The following GPBP1 variants were observed in gnomAD, a reference collection of about 807,000 sequenced individuals.
GPBP1 encodes the protein vasculin.
GPBP1 carries 13 observed loss-of-function variants against 56.5 expected under a neutral mutation model. The ratio of observed to expected loss-of-function variants is 0.23; its 90% CI spans 0.15 to 0.37. The LOEUF is 0.37. Among genes scored for constraint, GPBP1 ranks in the 10% least tolerant of loss-of-function variants. The pLI, the probability that GPBP1 is intolerant of heterozygous loss-of-function variation, is 1.00. For missense variants in GPBP1, 477 were observed against 572.3 expected (o/e 0.83, Z 1.70); for synonymous variants, 204 against 188.9 (o/e 1.08, Z -0.66).
At chr5:57,206,365 T>C (rs759323363) in intron 2 of GPBP1, among the ~76,000 whole-genome samples, 4 of 152,094 alleles carry the variant, frequency 2.6e-5, no homozygotes, top group Non-Finnish European at 5.9e-5. Context: ...AGTTTTTGCT[T>C]TTATATTTAG....
In GPBP1 at chr5:57,243,653, A is replaced by G. The variant is rs141473574; in HGVS notation, c.479-2647A>G. On this transcript the variant is annotated intron_variant, in intron 6 of 11. Transcript: ENST00000506184. ...AACTATATTGAGGCTTAAAGATAGTATATCTACTTGCCTATCTAGTTTTCA... is the reference window on the plus strand; with the variant it reads ...AACTATATTGAGGCTTAAAGATAGTGTATCTACTTGCCTATCTAGTTTTCA... Among the ~76,000 whole-genome samples the G allele has an allele frequency of 6.9e-3, 1,049 of 151,228 alleles. 7 individuals are homozygous for G. The highest frequency in any genetic ancestry group is 0.011 in the Non-Finnish European group (753 of 67,876).
intron 2 of GPBP1, among the ~76,000 whole-genome samples, 151 bp downstream of exon 2, chr5:57,176,551 A>AC (rs1753794340): frequency 6.6e-6 from 1 of 151,940 alleles, no homozygotes; most frequent in Admixed American, 6.6e-5. Context: ...ACAACTATTA[A>AC]CCATTGTCTG....
intron 2 of GPBP1, among the ~76,000 whole-genome samples, chr5:57,183,228 G>T (rs1252688622): frequency 6.6e-6 from 1 of 151,996 alleles, no homozygotes; most frequent in South Asian, 2.1e-4. Flanking sequence ...TTAGCTGGGC[G>T]TGGTGGCACA....
In GPBP1 at chr5:57,180,609, A is replaced by G. The variant is rs375760424; in HGVS notation, c.-58+4209A>G. ...AAGGGAACTTGGTTTAGGATATGGA[A>G]TATCTAGAAAAATGCCTGTGTGACT... On this transcript the variant is annotated intron_variant, in intron 2 of 11. Transcript: ENST00000506184. 3.5e-4 allele frequency among the ~76,000 whole-genome samples: 54 copies of G among 152,344 alleles called. No individual in the cohort carries two copies. The South Asian group carries it at 5.6e-3, about 16-fold the overall frequency.
rs750186584 is a variant in GPBP1, at chr5:57,247,172, C to T, written c.761C>T (p.Ser254Leu). 1.9e-6 allele frequency: 3 copies of T among 1,613,676 alleles called. No homozygotes were observed. The Admixed American group carries it at 5.0e-5, about 27-fold the overall frequency. ...GTTGGCAACTTTAATGCTTTTAAAT[C>T]AACTGCCAAGAACTTTAGTCCATCT... The part of the protein sequence containing the change: ...FGVGNFNAFK[S>L]TAKNFSPSTN... Residue 254 changes from serine to leucine, a missense_variant, in exon 8 of 12, where the codon TCA (serine) becomes TTA (leucine). Transcript: ENST00000506184.
intron 3 of GPBP1, among the ~76,000 whole-genome samples, chr5:57,218,219 T>C (rs990945707): frequency 6.6e-6 from 1 of 152,170 alleles, no homozygotes; most frequent in African/African-American, 2.4e-5. Flanking sequence ...CACTGTCTGC[T>C]TGGGATAGGG....
intron 10 of GPBP1, among the ~76,000 whole-genome samples, 175 bp downstream of exon 10, chr5:57,251,316 A>AT (rs1206760891): frequency 1.3e-5 from 2 of 152,112 alleles, no homozygotes; most frequent in African/African-American, 4.8e-5. Context: ...GTTCACTCGC[A>AT]TTTACTTTTC....
At chr5:57,181,253 T>G (rs908620370) in intron 2 of GPBP1, among the ~76,000 whole-genome samples, 46 of 152,114 alleles carry the variant, frequency 3.0e-4, no homozygotes, top group African/African-American at 1.1e-3. Context: ...GAGGACTGCT[T>G]GAGCCTAGGA....
chr5:57,253,904 G>T (rs951776029), intron 10 of GPBP1, among the ~76,000 whole-genome samples: 1 of 151,674 alleles, frequency 6.6e-6, no homozygotes, highest in African/African-American at 2.4e-5. Flanking sequence ...GAGTAGAGGC[G>T]TGAGCCACGA....
At chr5:57,227,790 G>A (rs1376860730) in intron 3 of GPBP1, among the ~76,000 whole-genome samples, 4 of 152,290 alleles carry the variant, frequency 2.6e-5, no homozygotes, top group East Asian at 3.9e-4. Context: ...CCATGAAACA[G>A]TATCCAGGCT....
chr5:57,179,433 G>A (rs569262629), intron 2 of GPBP1, among the ~76,000 whole-genome samples: 4 of 152,206 alleles, frequency 2.6e-5, no homozygotes, highest in East Asian at 1.9e-4. Flanking sequence ...AGGCAACCTC[G>A]AACTCCTGGG....
intron 2 of GPBP1, among the ~76,000 whole-genome samples, chr5:57,177,678 T>TA (rs1491534128): frequency 8.7e-6 from 1 of 114,554 alleles, no homozygotes; most frequent in East Asian, 2.3e-4. Context: ...TTTTTTTTTT[T>TA]AGTAGAGACC....
intron 2 of GPBP1, among the ~76,000 whole-genome samples, chr5:57,192,057 A>C (rs1754550842): frequency 6.6e-6 from 1 of 152,192 alleles, no homozygotes; most frequent in Non-Finnish European, 1.5e-5. Flanking sequence ...CTATGTAAGA[A>C]AAACATGTTA....
rs562826201 is a variant in GPBP1 at position 57,263,466 on chromosome 5, G to A, written c.*714G>A. ...GTATGTTGTCAGACCAGGGTTTTCA[G>A]AGTTGATGGAAAAGAGTCTTGTGAG... On this transcript the variant is annotated 3_prime_UTR_variant, in exon 12 of 12. Coordinates refer to ENST00000506184, the MANE Select transcript of GPBP1 (RefSeq NM_022913.4). The A allele has an allele frequency of 8.0e-4, 122 of 152,302 alleles. No homozygotes were observed. Among genetic ancestry groups the A allele is most frequent in the African/African-American group, 2.8e-3 (117 of 41,562 alleles). 9.4% of individuals were successfully genotyped at this position (152,302 alleles called of 1,614,324 possible).
At chr5:57,192,980 C>G (rs1029871317) in intron 2 of GPBP1, among the ~76,000 whole-genome samples, 1 of 151,998 alleles carries the variant, frequency 6.6e-6, no homozygotes, top group Non-Finnish European at 1.5e-5. Flanking sequence ...AAGGTAACAT[C>G]AACCTCCTGG....
chr5:57,196,668 C>G (rs1369948485), intron 2 of GPBP1, among the ~76,000 whole-genome samples: 2 of 152,148 alleles, frequency 1.3e-5, no homozygotes, highest in Non-Finnish European at 2.9e-5. Flanking sequence ...TCAGGGCTCA[C>G]TGCAACCTCG....
At chr5:57,226,729 CTTTTTTTTTTT>C (rs70999067) in intron 3 of GPBP1, among the ~76,000 whole-genome samples, 16,847 of 77,300 alleles carry the variant, frequency 0.22, 1,372 homozygotes, top group Admixed American at 0.33. Context: ...TTTTTGTATT[CTTTTTTTTTTT>C]TTTTTTTTTT....
chr5:57,253,022 T>C (rs1741466745), intron 10 of GPBP1, among the ~76,000 whole-genome samples: 2 of 152,198 alleles, frequency 1.3e-5, no homozygotes, highest in South Asian at 2.1e-4. Flanking sequence ...TGTAAACTTT[T>C]AACAGCACTT....
intron 2 of GPBP1, among the ~76,000 whole-genome samples, chr5:57,185,134 A>G (rs1754227393): frequency 1.3e-5 from 2 of 152,224 alleles, no homozygotes; most frequent in Admixed American, 6.5e-5. Context: ...CATTTCTCAT[A>G]TGAAAATCCC....
Sources: allele counts gnomAD v4.1 joint callset (sites outside exome capture counted in the v4.1 genomes callset), GRCh38; gene constraint gnomAD v4.1.1; transcripts MANE v1.5; gene names NCBI Gene and HGNC (gene_info 2026-07-23, HGNC 2026-07-21).